TSPAN9: variants seen among roughly 807,000 people sequenced by gnomAD.
The protein encoded by TSPAN9 is tetraspanin-9.
A neutral mutation model predicts 31.0 loss-of-function variants in TSPAN9; 16 were observed. The observed-to-expected ratio is 0.52, with a 90% CI of 0.35 to 0.78. The LOEUF (loss-of-function observed/expected upper bound fraction) is 0.78. Ranked by LOEUF, TSPAN9 falls within the 30% of genes least tolerant of loss-of-function variation. TSPAN9 has a pLI of 0.01. For missense variants in TSPAN9, 272 were observed against 312.5 expected (o/e 0.87, Z 0.98); for synonymous variants, 145 against 121.6 (o/e 1.19, Z -1.27).
chr12:3,212,543 G>A (rs2098379315), intron 3 of TSPAN9, among the ~76,000 whole-genome samples: 1 of 151,958 alleles, frequency 6.6e-6, no homozygotes, highest in African/African-American at 2.4e-5. Flanking sequence ...AAAGTGCTGC[G>A]ATTACAGGTG....
chr12:3,174,806 T>A (rs1344792680), intron 2 of TSPAN9, among the ~76,000 whole-genome samples: 1 of 150,676 alleles, frequency 6.6e-6, no homozygotes, highest in Admixed American at 6.6e-5. Flanking sequence ...ATGGTCTCGA[T>A]CTCCTGACCT....
At chr12:3,243,770 C>T (rs1471505323) in intron 3 of TSPAN9, among the ~76,000 whole-genome samples, 2 of 152,180 alleles carry the variant, frequency 1.3e-5, no homozygotes, top group African/African-American at 4.8e-5. Context: ...TTTCTGTCTC[C>T]TCTGATATGG....
At chr12:3,193,436 C>T (rs1049639624) in intron 2 of TSPAN9, among the ~76,000 whole-genome samples, 3 of 152,162 alleles carry the variant, frequency 2.0e-5, no homozygotes, top group African/African-American at 4.8e-5. Flanking sequence ...CGTGTTTCCT[C>T]GGCGCTAAGC....
intron 3 of TSPAN9, chr12:3,211,637 C>T (rs941247306): frequency 1.3e-5 from 16 of 1,270,504 alleles, no homozygotes; most frequent in Non-Finnish European, 1.8e-5. Flanking sequence ...GAGATGGTTT[C>T]CCACTCATCT....
At chr12:3,102,910 T>C (rs1463475878) in intron 2 of TSPAN9, among the ~76,000 whole-genome samples, 2 of 152,186 alleles carry the variant, frequency 1.3e-5, no homozygotes, top group Non-Finnish European at 2.9e-5. Flanking sequence ...GCCAGGACAG[T>C]GTTCCACCCA....
intron 3 of TSPAN9, among the ~76,000 whole-genome samples, chr12:3,249,753 C>G (rs544913013): frequency 6.8e-4 from 103 of 152,300 alleles, no homozygotes; most frequent in African/African-American, 2.4e-3. Context: ...AATGAGGGAA[C>G]AGGCCTAGAG....
At chr12:3,093,710 G>A (rs946965058) in intron 2 of TSPAN9, among the ~76,000 whole-genome samples, 1 of 152,108 alleles carries the variant, frequency 6.6e-6, no homozygotes, top group Non-Finnish European at 1.5e-5. Context: ...ACAGTTTGAG[G>A]GATTGAGGGA....
intron 2 of TSPAN9, among the ~76,000 whole-genome samples, chr12:3,186,826 T>C (rs1206656335): frequency 1.3e-5 from 2 of 152,198 alleles, no homozygotes; most frequent in African/African-American, 4.8e-5. Flanking sequence ...AGACTTTTAC[T>C]CCTGGGGAGG....
intron 3 of TSPAN9, among the ~76,000 whole-genome samples, chr12:3,208,478 G>C (rs1053375217): frequency 9.2e-5 from 14 of 152,304 alleles, no homozygotes; most frequent in African/African-American, 3.4e-4. Context: ...TTGTCCTAGG[G>C]GTGACAAGTG....
chr12:3,245,027 C>G (rs1011803507), intron 3 of TSPAN9, among the ~76,000 whole-genome samples: 1 of 152,178 alleles, frequency 6.6e-6, no homozygotes, highest in East Asian at 1.9e-4. Context: ...CTGTAGCAGC[C>G]CAGCCTATCT....
At chr12:3,120,901 G>A (rs1312920537) in intron 2 of TSPAN9, among the ~76,000 whole-genome samples, 3 of 152,250 alleles carry the variant, frequency 2.0e-5, no homozygotes, top group Non-Finnish European at 2.9e-5. Context: ...GGACCCTTAC[G>A]GAGTGGTGGG....
intron 2 of TSPAN9, among the ~76,000 whole-genome samples, chr12:3,194,275 A>C (rs994517571): frequency 2.0e-5 from 3 of 152,228 alleles, no homozygotes; most frequent in East Asian, 1.9e-4. Flanking sequence ...GAGTCTGAAC[A>C]AAGGGCCAAG....
chr12:3,239,261 T>C (rs1394734937), intron 3 of TSPAN9, among the ~76,000 whole-genome samples: 1 of 151,858 alleles, frequency 6.6e-6, no homozygotes, highest in Admixed American at 6.6e-5. Flanking sequence ...TGTCACGTTC[T>C]TGCTGGGAAC....
At chr12:3,200,979 AGGACTC>A in intron 2 of TSPAN9, 192 bp from the exon 3 acceptor site, 1 of 567,668 alleles carries the variant, frequency 1.8e-6, no homozygotes, top group South Asian at 2.2e-5. Flanking sequence ...TTGGACAGCA[AGGACTC>A]GGACTTTGCC....
chr12:3,107,023 C>A lies in TSPAN9; in HGVS notation c.-18+23304C>A, dbSNP rs562551794. ...GGCTCCCTCCTGGCTGCTCAGATCC[C>A]AGCGGGTTTCCAGCCACAGAAGCAA... On this transcript the variant is annotated intron_variant, in intron 2 of 8. Coordinates refer to ENST00000011898, the MANE Select transcript of TSPAN9 (RefSeq NM_006675.5). The surrounding 1 kb of genome is among the most constrained non-coding windows in gnomAD (Gnocchi z 4.1). Among the ~76,000 whole-genome samples the A allele has an allele frequency of 1.8e-4, 27 of 152,280 alleles. No homozygotes were observed. Among genetic ancestry groups the A allele is most frequent in the Middle Eastern group, 6.8e-3 (2 of 294 alleles).
intron 2 of TSPAN9, among the ~76,000 whole-genome samples, chr12:3,150,234 C>T (rs2098339132): frequency 2.0e-5 from 3 of 152,212 alleles, no homozygotes; most frequent in African/African-American, 7.2e-5. Flanking sequence ...CAGTTATAGG[C>T]TTAATACCCT....
chr12:3,271,101 T>C (rs2153980075), intron 3 of TSPAN9, among the ~76,000 whole-genome samples: 1 of 152,342 alleles, frequency 6.6e-6, no homozygotes, highest in East Asian at 1.9e-4. Flanking sequence ...TAATGTTTAT[T>C]TGGAGGAAAA....
chr12:3,258,018 G>A (rs1346947508), intron 3 of TSPAN9, among the ~76,000 whole-genome samples: 1 of 152,138 alleles, frequency 6.6e-6, no homozygotes, highest in Non-Finnish European at 1.5e-5. Context: ...TCACAATGGG[G>A]CTCCCTGGGA....
chr12:3,092,063 A>G (rs2098305016), intron 2 of TSPAN9, among the ~76,000 whole-genome samples: 1 of 152,254 alleles, frequency 6.6e-6, no homozygotes, highest in Admixed American at 6.5e-5. Flanking sequence ...ATCTGGCATC[A>G]CGGACAAGAA....
Sources: gnomAD v4.1 joint callset for allele counts (sites outside exome capture counted in the v4.1 genomes callset) on GRCh38, gnomAD v4.1.1 for gene constraint, Gnocchi (gnomAD v3.1) non-coding constraint, MANE v1.5 for transcripts, NCBI Gene and HGNC (gene_info 2026-07-23, HGNC 2026-07-21) for gene names.